UCN3: variants seen among roughly 807,000 people sequenced by gnomAD.
UCN3 encodes urocortin-3.
A neutral mutation model predicts 3.6 loss-of-function variants in UCN3; 3 were observed. The observed-to-expected ratio is 0.83, with a 90% confidence interval of 0.38 to 2.15. The LOEUF (loss-of-function observed/expected upper bound fraction) is 2.15. Among genes scored for constraint, UCN3 ranks in the 30% most tolerant of loss-of-function variants. UCN3 has a pLI of 0.06. For missense variants in UCN3, 206 were observed against 208.3 expected (o/e 0.99, Z 0.07); for synonymous variants, 100 against 93.2 (o/e 1.07, Z -0.42).
In UCN3 at chr10:5,370,870, T is replaced by TGC. The variant is rs1491371261; in HGVS notation, c.-6-2844_-6-2843insCG. Among the ~76,000 whole-genome samples the TGC allele has an allele frequency of 2.8e-4, 32 of 116,026 alleles. 5 individuals are homozygous for TGC. The highest frequency in any genetic ancestry group is 9.9e-4 in the African/African-American group (29 of 29,176). The allele number at this position is 116,026 out of a possible 152,430, so 76.1% of individuals were successfully genotyped here. ...GTGTGCGCGTGTGTGTGCGTGTGTA[T>TGC]GTGTGTGTATATGCGTGTGTATATG... On this transcript the variant is annotated intron_variant, in intron 1 of 1. Coordinates refer to ENST00000380433, the MANE Select transcript of UCN3 (RefSeq NM_053049.4).
chr10:5,368,840 T>C (rs1554810927), intron 1 of UCN3, among the ~76,000 whole-genome samples: 1 of 152,172 alleles, frequency 6.6e-6, no homozygotes, highest in African/African-American at 2.4e-5. Flanking sequence ...AAGCCCATTT[T>C]CCACAGGGAC....
At chr10:5,368,712 A>G (rs1401044185) in intron 1 of UCN3, among the ~76,000 whole-genome samples, 1 of 152,170 alleles carries the variant, frequency 6.6e-6, no homozygotes, top group Non-Finnish European at 1.5e-5. Context: ...GATGCCTTCA[A>G]GGTATAAGGC....
intron 1 of UCN3, among the ~76,000 whole-genome samples, chr10:5,372,044 C>T (rs569596176): frequency 2.6e-5 from 4 of 152,342 alleles, no homozygotes; most frequent in South Asian, 2.1e-4. Flanking sequence ...GAGCGGGGCC[C>T]GCAGACGGCA....
At position 5,370,830 on chromosome 10, in the gene UCN3, TGTGTGTGC is replaced by T. The variant is rs1564443622; in HGVS notation, c.-6-2883_-6-2876del. ...GTGTGTGTGCGTGTGTGTGCGCGCG[TGTGTGTGC>T]GCGTGTGTGTGCGCGTGTGTGTGCG... is the stretch of plus-strand genomic sequence containing the variant. On this transcript the variant is annotated intron_variant, in intron 1 of 1. Coordinates refer to ENST00000380433, the MANE Select transcript of UCN3 (RefSeq NM_053049.4). Among the ~76,000 whole-genome samples the T allele has an allele frequency of 4.9e-5, 5 of 101,338 alleles. 1 individual carries two copies. The highest frequency in any genetic ancestry group is 1.2e-4 in the African/African-American group (3 of 24,210). The allele number at this position is 101,338 out of a possible 152,430, so 66.5% of individuals were successfully genotyped here. A position where few individuals can be genotyped will look rare whatever the true frequency, so the allele number is the denominator to read the frequency against.
At chr10:5,372,716 A>ATTTTTTT (rs1156663637) in intron 1 of UCN3, among the ~76,000 whole-genome samples, 1 of 127,690 alleles carries the variant, frequency 7.8e-6, no homozygotes, top group African/African-American at 3.0e-5. Flanking sequence ...CGCCCAGCTA[A>ATTTTTTT]TTTTTTTTTT....
At position 5,367,919 on chromosome 10, in the gene UCN3, G is replaced by C. The variant is rs1834131412; in HGVS notation, c.-7+2689G>C. On this transcript the variant is annotated intron_variant, in intron 1 of 1. Coordinates refer to ENST00000380433, the MANE Select transcript of UCN3 (RefSeq NM_053049.4). The surrounding 1 kb of genome is among the most constrained non-coding windows in gnomAD (Gnocchi z 4.3). ...CAAAATAAACAAATGGGGTGGTGGG[G>C]CAGTGGGGAGAGAGCCATGTGGAAC... is the stretch of plus-strand genomic sequence containing the variant. Among the ~76,000 whole-genome samples, 1 of 152,174 alleles carries C rather than the reference G, an allele frequency of 6.6e-6. No individual in the cohort carries two copies. Among genetic ancestry groups the C allele is most frequent in the Admixed American group, 6.5e-5 (1 of 15,278 alleles).
In UCN3 at chr10:5,365,364, T is replaced by A. The variant is rs1834106061; in HGVS notation, c.-7+134T>A. The A allele has an allele frequency of 6.6e-6, 1 of 152,424 alleles. No individual in the cohort carries two copies. The highest frequency in any genetic ancestry group is 2.4e-5 in the African/African-American group (1 of 41,454). 9.4% of individuals were successfully genotyped at this position (152,424 alleles called of 1,614,324 possible). A position where few individuals can be genotyped will look rare whatever the true frequency, so the allele number is the denominator to read the frequency against. On this transcript the variant is annotated intron_variant, in intron 1 of 1. Coordinates refer to ENST00000380433, the MANE Select transcript of UCN3 (RefSeq NM_053049.4). The surrounding 1 kb of genome is among the most constrained non-coding windows in gnomAD (Gnocchi z 4.4). ...CCTGGGTGGAAGCCCAAGGGAGCGA[T>A]GCTGAACGCCCCCCACCCAATCAGC...
At position 5,366,883 on chromosome 10, in the gene UCN3, A is replaced by G. The variant is rs1421253167; in HGVS notation, c.-7+1653A>G. Among the ~76,000 whole-genome samples the G allele has an allele frequency of 1.3e-5, 2 of 152,212 alleles. No homozygotes were observed. The highest frequency in any genetic ancestry group is 2.9e-5 in the Non-Finnish European group (2 of 68,042). On this transcript the variant is annotated intron_variant, in intron 1 of 1. Coordinates refer to ENST00000380433, the MANE Select transcript of UCN3 (RefSeq NM_053049.4). The surrounding 1 kb of genome is among the most constrained non-coding windows in gnomAD (Gnocchi z 4.2). The stretch of plus-strand genomic sequence containing the variant: ...AGAAAGGTCTGCTACCTGCAGATGC[A>G]CCAAGAACAGAGCGCCACGCAGGAC...
At chr10:5,368,397 G>A (rs1831281290) in intron 1 of UCN3, among the ~76,000 whole-genome samples, 1 of 152,104 alleles carries the variant, frequency 6.6e-6, no homozygotes, top group Admixed American at 6.5e-5. Flanking sequence ...AGTGCTTTTC[G>A]TAGAGGGACC....
chr10:5,370,871 G>GCGTGTGTATGTGTGTGTA lies in UCN3; in HGVS notation c.-6-2844_-6-2843insCGTGTGTATGTGTGTGTA, dbSNP rs1339938939. ...TGTGCGCGTGTGTGTGCGTGTGTAT[G>GCGTGTGTATGTGTGTGTA]TGTGTGTATATGCGTGTGTATATGC... On this transcript the variant is annotated intron_variant, in intron 1 of 1. Transcript: ENST00000380433. Among the ~76,000 whole-genome samples, 21 of 135,398 alleles carry GCGTGTGTATGTGTGTGTA rather than the reference G, an allele frequency of 1.6e-4. 1 individual carries two copies. Among genetic ancestry groups the GCGTGTGTATGTGTGTGTA allele is most frequent in the African/African-American group, 6.3e-4 (21 of 33,600 alleles). 88.8% of individuals were successfully genotyped at this position (135,398 alleles called of 152,430 possible). A position where few individuals can be genotyped will look rare whatever the true frequency, so the allele number is the denominator to read the frequency against.
At position 5,370,635 on chromosome 10, in the gene UCN3, GTGTGTGTATA is replaced by G. The variant is rs1258451009; in HGVS notation, c.-6-3072_-6-3063del. Among the ~76,000 whole-genome samples the G allele has an allele frequency of 3.7e-4, 34 of 92,614 alleles. 5 individuals are homozygous for G. The highest frequency in any genetic ancestry group is 6.2e-3 in the Middle Eastern group (1 of 162). 60.8% of individuals were successfully genotyped at this position (92,614 alleles called of 152,430 possible). On this transcript the variant is annotated intron_variant, in intron 1 of 1. Transcript: ENST00000380433. The stretch of plus-strand genomic sequence containing the variant: ...TATATGCGTGTATATGCGTGTGTAT[GTGTGTGTATA>G]TGTGTGTGTATGTGTGTGTATGTGT...
At chr10:5,369,869 GTGTATAT>G in intron 1 of UCN3, among the ~76,000 whole-genome samples, 1 of 140,528 alleles carries the variant, frequency 7.1e-6, no homozygotes, top group African/African-American at 2.8e-5. Flanking sequence ...GTGGGTGTGT[GTGTATAT>G]GTGTGTGTAT....
intron 1 of UCN3, among the ~76,000 whole-genome samples, chr10:5,370,824 C>CGTGTGT (rs1564443603): frequency 4.8e-5 from 4 of 82,890 alleles, no homozygotes; most frequent in African/African-American, 1.9e-4. Flanking sequence ...CGTGTGTGTG[C>CGTGTGT]GCGCGTGTGT....
Position 5,374,482 on chromosome 10 carries a change from CT to C in UCN3, c.*278del. 1 of 367,908 alleles carries C rather than the reference CT, an allele frequency of 2.7e-6. No individual in the cohort carries two copies. Among genetic ancestry groups the C allele is most frequent in the Non-Finnish European group, 5.0e-6 (1 of 198,722 alleles). The allele number at this position is 367,908 out of a possible 1,614,324, so 22.8% of individuals were successfully genotyped here. On this transcript the variant is annotated 3_prime_UTR_variant, in exon 2 of 2. Coordinates refer to ENST00000380433, the MANE Select transcript of UCN3 (RefSeq NM_053049.4). ...CGTTCCTCCCTGTACTCAGCGTCTC[CT>C]TCCTCCCTCCCCACAGCAAGAGGCA...
intron 1 of UCN3, among the ~76,000 whole-genome samples, chr10:5,372,434 A>G (rs2119112361): frequency 6.6e-6 from 1 of 152,340 alleles, no homozygotes; most frequent in South Asian, 2.1e-4. Flanking sequence ...GACACTGTTG[A>G]TCAGTGAACC....
Position 5,374,193 on chromosome 10 carries a change from G to A in UCN3, c.473G>A (p.Gly158Glu). ...AATGCCCACCTGATGGCGCAAATTG[G>A]GAGGAAGAAGTAGAGGCGGAGGCTG... is the stretch of plus-strand genomic sequence containing the variant. ...AANAHLMAQI[G>E]RKK The change falls in exon 2 of 2, where the codon GGG becomes GAG. Residue 158 changes from glycine to glutamate, a missense_variant. Transcript: ENST00000380433. 6.3e-7 allele frequency: 1 copy of A among 1,593,790 alleles called. No individual in the cohort carries two copies. The highest frequency in any genetic ancestry group is 8.6e-7 in the Non-Finnish European group (1 of 1,168,530).
intron 1 of UCN3, among the ~76,000 whole-genome samples, chr10:5,368,028 G>C (rs1554810851): frequency 1.3e-5 from 2 of 152,044 alleles, no homozygotes; most frequent in Non-Finnish European, 2.9e-5. Flanking sequence ...TTTTGAGACA[G>C]AGTCTCACTC....
chr10:5,369,999 GTGTGTGTA>G (rs1564442214), intron 1 of UCN3, among the ~76,000 whole-genome samples: 12 of 62,370 alleles, frequency 1.9e-4, no homozygotes, highest in African/African-American at 3.0e-4. Flanking sequence ...GTGTGTATGT[GTGTGTGTA>G]TGTGTGTGTA....
Position 5,373,930 on chromosome 10 carries a change from A to AGAG in UCN3, c.221_223dup (p.Glu74dup). On this transcript the variant is annotated inframe_insertion, in exon 2 of 2. Transcript: ENST00000380433. ...TGCGCAGCAGAGACGCCTCTTCGGG[A>AGAG]GAGGAGGAGGAGGGCAAAGAGAAAA... The AGAG allele has an allele frequency of 6.2e-7, 1 of 1,613,056 alleles. No individual in the cohort carries two copies. The highest frequency in any genetic ancestry group is 8.5e-7 in the Non-Finnish European group (1 of 1,179,540).
Sources: allele counts gnomAD v4.1 joint callset (sites outside exome capture counted in the v4.1 genomes callset), GRCh38; gene constraint gnomAD v4.1.1; non-coding constraint Gnocchi (gnomAD v3.1); transcripts MANE v1.5; gene names NCBI Gene and HGNC (gene_info 2026-07-23, HGNC 2026-07-21).